The following RNF216 variants were observed in gnomAD, a reference collection of about 807,000 sequenced individuals.
RNF216 encodes ring finger protein 216.
A neutral mutation model predicts 110.8 loss-of-function variants in RNF216; 72 were observed. The ratio of observed to expected loss-of-function variants is 0.65; its 90% CI spans 0.54 to 0.79. RNF216 has a LOEUF of 0.79. RNF216 is among the 30% of genes least tolerant of loss of function. The pLI, the probability that RNF216 is intolerant of heterozygous loss-of-function variation, is 0.00. For synonymous variants in RNF216, 495 were observed against 407.5 expected, an observed-to-expected ratio of 1.21 and a Z score of -2.59; for missense variants, 1,342 against 1,141.2, an observed-to-expected ratio of 1.18 and a Z score of -2.54.
At chr7:5,669,699 G>A (rs892074862) in intron 13 of RNF216, among the ~76,000 whole-genome samples, 1 of 152,130 alleles carries the variant, frequency 6.6e-6, no homozygotes, top group Non-Finnish European at 1.5e-5. Flanking sequence ...TTTGAGACCA[G>A]CCTGGCCAAC....
At chr7:5,767,294 T>C (rs1796254993) in intron 1 of RNF216, among the ~76,000 whole-genome samples, 1 of 152,148 alleles carries the variant, frequency 6.6e-6, no homozygotes, top group Non-Finnish European at 1.5e-5. Context: ...ATTTTTTGTC[T>C]CCTGAAGGCA....
At chr7:5,662,690 G>A (rs571965724) in intron 13 of RNF216, 2 of 152,232 alleles carry the variant, frequency 1.3e-5, no homozygotes, top group East Asian at 1.9e-4. Context: ...GGTATAAAAC[G>A]AAGCCCTTGT....
chr7:5,671,897 T>C (rs373353973), intron 13 of RNF216, among the ~76,000 whole-genome samples: 4 of 149,724 alleles, frequency 2.7e-5, no homozygotes, highest in African/African-American at 9.9e-5. Context: ...AAGACAGTCC[T>C]CTGCAAGCCA....
intron 14 of RNF216, among the ~76,000 whole-genome samples, chr7:5,643,543 C>A (rs1474899780): frequency 6.6e-6 from 1 of 152,046 alleles, no homozygotes; most frequent in Non-Finnish European, 1.5e-5. Context: ...TCTGTGCTCA[C>A]CACCAGCCAG....
At chr7:5,675,014 A>T (rs1445346133) in intron 13 of RNF216, among the ~76,000 whole-genome samples, 3 of 152,068 alleles carry the variant, frequency 2.0e-5, no homozygotes, top group Non-Finnish European at 2.9e-5. Flanking sequence ...AAACAAACAA[A>T]CAATATATAT....
chr7:5,778,441 C>A (rs1000002970), intron 1 of RNF216, among the ~76,000 whole-genome samples: 1 of 152,158 alleles, frequency 6.6e-6, no homozygotes, highest in Non-Finnish European at 1.5e-5. Flanking sequence ...AAAGTACTTC[C>A]AACAATACTT....
chr7:5,648,384 G>A (rs562007546), intron 14 of RNF216, among the ~76,000 whole-genome samples: 68 of 151,682 alleles, frequency 4.5e-4, no homozygotes, highest in African/African-American at 1.5e-3. Flanking sequence ...TGGGGTTACA[G>A]GCGTGAGCCA....
chr7:5,637,416 G>T (rs1260122997), intron 15 of RNF216, among the ~76,000 whole-genome samples: 1 of 152,136 alleles, frequency 6.6e-6, no homozygotes, highest in African/African-American at 2.4e-5. Context: ...GATTTTTAGG[G>T]GTCTCTTATC....
intron 13 of RNF216, among the ~76,000 whole-genome samples, chr7:5,668,882 T>C (rs1789710464): frequency 6.6e-6 from 1 of 152,152 alleles, no homozygotes; most frequent in Admixed American, 6.5e-5. Flanking sequence ...TAAAACACTA[T>C]CTAGTTAGCA....
chr7:5,729,375 A>G (rs1793949263), intron 7 of RNF216, 57 bp downstream of exon 7: 6 of 1,546,886 alleles, frequency 3.9e-6, no homozygotes, highest in African/African-American at 2.7e-5. Context: ...TCATTCTGTT[A>G]CCATGGGAAG....
At chr7:5,658,077 A>G (rs918759832) in intron 13 of RNF216, among the ~76,000 whole-genome samples, 1 of 152,248 alleles carries the variant, frequency 6.6e-6, no homozygotes, top group African/African-American at 2.4e-5. Context: ...ATGCATGTGC[A>G]TGCAGAGGAG....
At chr7:5,641,445 AT>A in intron 14 of RNF216, 69 bp from the exon 15 acceptor site, 1 of 1,213,016 alleles carries the variant, frequency 8.2e-7, no homozygotes, top group Non-Finnish European at 1.2e-6. Context: ...GCCATTAAGC[AT>A]TTATTTATTT....
chr7:5,779,379 G>A (rs1796951007), intron 1 of RNF216, among the ~76,000 whole-genome samples: 1 of 151,962 alleles, frequency 6.6e-6, no homozygotes, highest in South Asian at 2.1e-4. Context: ...AGACTCTCCA[G>A]GCATTTCCTC....
chr7:5,721,055 T>A lies in RNF216; in HGVS notation c.1622A>T (p.Gln541Leu). Reference sequence around the variant, plus strand: ...TACCTCTGCCATCTCTTTGATTTTCTGCTCATAGAACTCCTGCTCTTGTTG... The same window carrying A: ...TACCTCTGCCATCTCTTTGATTTTCAGCTCATAGAACTCCTGCTCTTGTTG... ...AVQQEQEFYE[Q>L]KIKEMAEHED... Residue 541 changes from glutamine to leucine, a missense_variant, in exon 9 of 17, where the codon CAG becomes CTG. Coordinates refer to ENST00000389902, the MANE Select transcript of RNF216 (RefSeq NM_207111.4). 6.2e-7 allele frequency: 1 copy of A among 1,614,240 alleles called. No homozygotes were observed. Among genetic ancestry groups the A allele is most frequent in the Non-Finnish European group, 8.5e-7 (1 of 1,180,034 alleles).
intron 13 of RNF216, among the ~76,000 whole-genome samples, chr7:5,711,552 T>C (rs1792691299): frequency 1.3e-5 from 2 of 152,222 alleles, no homozygotes; most frequent in African/African-American, 4.8e-5. Context: ...TCCAGAGCTT[T>C]GTAACTGGAG....
At chr7:5,773,144 A>G (rs1469499115) in intron 1 of RNF216, among the ~76,000 whole-genome samples, 4 of 152,154 alleles carry the variant, frequency 2.6e-5, no homozygotes, top group African/African-American at 7.2e-5. Flanking sequence ...ATTTGAAATA[A>G]TGATATTGAT....
intron 1 of RNF216, among the ~76,000 whole-genome samples, chr7:5,768,666 T>TA: frequency 2.5e-5 from 1 of 39,992 alleles, no homozygotes; most frequent in East Asian, 2.8e-4. Flanking sequence ...AGCAACTTTG[T>TA]TTTTTTTTTT....
intron 1 of RNF216, chr7:5,775,220 T>C (rs1048709145): frequency 3.9e-5 from 6 of 152,130 alleles, no homozygotes; most frequent in South Asian, 2.1e-4. Flanking sequence ...TTATCAAGTA[T>C]TGCCCATTAC....
chr7:5,761,284 C>A (rs557651117), intron 1 of RNF216, 146 bp from the exon 2 acceptor site: 10 of 453,594 alleles, frequency 2.2e-5, no homozygotes, highest in South Asian at 4.2e-5. Context: ...AAAAAAAAAA[C>A]CACACAAACT....
Sources: gnomAD v4.1 joint callset for allele counts (sites outside exome capture counted in the v4.1 genomes callset) on GRCh38, gnomAD v4.1.1 for gene constraint, MANE v1.5 for transcripts, NCBI Gene and HGNC (gene_info 2026-07-23, HGNC 2026-07-21) for gene names.